KDM1B: variants seen among roughly 807,000 people sequenced by gnomAD.
KDM1B encodes lysine demethylase 1B.
A neutral mutation model predicts 107.4 loss-of-function variants in KDM1B; 63 were observed. That is an observed-to-expected ratio of 0.59 (90% CI 0.48 to 0.72). The LOEUF (loss-of-function observed/expected upper bound fraction) is 0.72, where lower values mean the gene tolerates loss of function less well. Among genes scored for constraint, KDM1B ranks in the 30% least tolerant of loss-of-function variants. KDM1B has a pLI of 0.00. For synonymous variants in KDM1B, 363 were observed against 363.9 expected (o/e 1.00, Z 0.03); for missense variants, 749 against 1,020.8 (o/e 0.73, Z 3.63).
At chr6:18,189,164 G>A (rs567960457) in intron 9 of KDM1B, among the ~76,000 whole-genome samples, 9 of 152,110 alleles carry the variant, frequency 5.9e-5, no homozygotes, top group African/African-American at 1.9e-4. Flanking sequence ...GATTTCCTAC[G>A]CCTGGACAGG....
chr6:18,194,012 T>A (rs1787473540), intron 10 of KDM1B, among the ~76,000 whole-genome samples: 1 of 152,092 alleles, frequency 6.6e-6, no homozygotes, highest in African/African-American at 2.4e-5. Context: ...TAGCTGGGAT[T>A]ACAGGTGTGC....
At chr6:18,188,080 A>G (rs1267737501) in intron 9 of KDM1B, 78 bp downstream of exon 9, 37 of 1,314,274 alleles carry the variant, frequency 2.8e-5, no homozygotes, top group Middle Eastern at 2.4e-4. Context: ...AGCAAAACGC[A>G]AAGGATTTTT....
rs1450942165 is a variant in KDM1B, at chr6:18,203,867, AAAAT to A, written c.1532-1669_1532-1666del. Among the ~76,000 whole-genome samples, 2 of 150,780 alleles carry A rather than the reference AAAAT, an allele frequency of 1.3e-5. No individual in the cohort carries two copies. Among genetic ancestry groups the A allele is most frequent in the Non-Finnish European group, 1.5e-5 (1 of 67,212 alleles). ...ACTCCGTCTCCAAAAAAAAAAAAAA[AAAAT>A]CACATTGAGGCCTCTCTCAGTCTGT... On this transcript the variant is annotated intron_variant, in intron 14 of 21. Coordinates refer to ENST00000650836, the MANE Select transcript of KDM1B (RefSeq NM_001364614.2). This position sits in a 1 kb window ranked among gnomAD's most constrained non-coding sequence, Gnocchi z 5.5.
chr6:18,162,428 T>C lies in KDM1B; in HGVS notation c.216-407T>C, dbSNP rs1785031138. 6.6e-6 allele frequency among the ~76,000 whole-genome samples: 1 copy of C among 152,248 alleles called. No homozygotes were observed. The highest frequency in any genetic ancestry group is 2.4e-5 in the African/African-American group (1 of 41,466). On this transcript the variant is annotated intron_variant, in intron 4 of 21. Transcript: ENST00000650836. The surrounding 1 kb of genome is among the most constrained non-coding windows in gnomAD (Gnocchi z 4.1). ...ATATTATCAACTGTTTGACAAGTTA[T>C]CTTTGCCAAATTGCCTGCTTGATGT...
rs546503473 is a variant in KDM1B at position 18,191,056 on chromosome 6, G to A, written c.785-141G>A. 2 of 575,234 alleles carry A rather than the reference G, an allele frequency of 3.5e-6. No homozygotes were observed. The highest frequency in any genetic ancestry group is 3.7e-5 in the African/African-American group (2 of 53,620). 35.6% of individuals were successfully genotyped at this position (575,234 alleles called of 1,614,324 possible). ...TAATTTATGTACGTTTTGTCTAACT[G>A]GGTGGAGGAAGCAAAGGTATTTATG... On this transcript the variant is annotated intron_variant, in intron 9 of 21. Transcript: ENST00000650836. The surrounding 1 kb of genome is among the most constrained non-coding windows in gnomAD (Gnocchi z 5.1).
chr6:18,166,239 C>T (rs368131100), intron 5 of KDM1B, 28 bp from the exon 6 acceptor site: 23 of 1,038,340 alleles, frequency 2.2e-5, no homozygotes, highest in East Asian at 1.9e-4. Flanking sequence ...ATATATTAAT[C>T]GATATATTAA....
intron 6 of KDM1B, 59 bp from the exon 7 acceptor site, chr6:18,171,304 A>G (rs1023628043): frequency 2.2e-5 from 19 of 869,118 alleles, no homozygotes; most frequent in Admixed American, 1.0e-4. Flanking sequence ...GGTGGAGGAT[A>G]GAAATGGTAA....
intron 7 of KDM1B, among the ~76,000 whole-genome samples, chr6:18,182,987 A>G (rs1328388109): frequency 5.9e-5 from 9 of 152,230 alleles, no homozygotes; most frequent in African/African-American, 2.2e-4. Flanking sequence ...ATTTTTGAGT[A>G]TATTTGTAAG....
chr6:18,196,420 TG>T (rs1369543809), intron 10 of KDM1B, among the ~76,000 whole-genome samples: 1 of 152,232 alleles, frequency 6.6e-6, no homozygotes, highest in Non-Finnish European at 1.5e-5. Flanking sequence ...CCATAATGAC[TG>T]TACTAATGTA....
Position 18,222,496 on chromosome 6 carries a change from T to C in KDM1B, c.*504T>C, listed in dbSNP as rs1277109499. ...CTTTTACTTAAAATTTAGATAGAAC[T>C]TTTTTTTGGATACAGCACAAACTCC... On this transcript the variant is annotated 3_prime_UTR_variant, in exon 22 of 22. Transcript: ENST00000650836. The C allele has an allele frequency of 5.1e-6, 1 of 196,952 alleles. No individual in the cohort carries two copies. Among genetic ancestry groups the C allele is most frequent in the East Asian group, 1.5e-4 (1 of 6,894 alleles). 12.2% of individuals were successfully genotyped at this position (196,952 alleles called of 1,614,324 possible). A position where few individuals can be genotyped will look rare whatever the true frequency, so the allele number is the denominator to read the frequency against.
In KDM1B at chr6:18,208,162, G is replaced by A. The variant is rs777474479; in HGVS notation, c.1822G>A (p.Val608Met). ...GTGTATTGATTATTCTGGAGATGAA[G>A]TGCAGGTTACCACTACAGATGGCAC... ...VQCIDYSGDE[V>M]QVTTTDGTGY... Residue 608 changes from valine to methionine, a missense_variant, in exon 17 of 22, where the codon GTG (valine) becomes ATG (methionine). By Grantham distance (21) the Val-to-Met change is conservative. Coordinates refer to ENST00000650836, the MANE Select transcript of KDM1B (RefSeq NM_001364614.2). The A allele has an allele frequency of 6.2e-7, 1 of 1,613,838 alleles. No homozygotes were observed. The highest frequency in any genetic ancestry group is 1.7e-5 in the Admixed American group (1 of 59,984).
chr6:18,183,045 G>T (rs1213115410), intron 7 of KDM1B, among the ~76,000 whole-genome samples: 4 of 152,080 alleles, frequency 2.6e-5, no homozygotes, highest in African/African-American at 9.7e-5. Context: ...AGATGCTATT[G>T]TTTTAATGTG....
chr6:18,197,762 A>G lies in KDM1B; in HGVS notation c.1221+101A>G. ...CCAGTTCCTATTTTTAGTGAAGAAT[A>G]CTAAATACATTATATGTTTATATTA... On this transcript the variant is annotated intron_variant, in intron 12 of 21. Coordinates refer to ENST00000650836, the MANE Select transcript of KDM1B (RefSeq NM_001364614.2). The surrounding 1 kb of genome is among the most constrained non-coding windows in gnomAD (Gnocchi z 4.5). The G allele has an allele frequency of 2.8e-6, 2 of 727,010 alleles. No individual in the cohort carries two copies. Among genetic ancestry groups the G allele is most frequent in the South Asian group, 1.8e-5 (1 of 56,632 alleles). The allele number at this position is 727,010 out of a possible 1,614,324, so 45.0% of individuals were successfully genotyped here.
Position 18,203,270 on chromosome 6 carries a change from C to G in KDM1B, c.1531+1613C>G, listed in dbSNP as rs573521818. On this transcript the variant is annotated intron_variant, in intron 14 of 21. Transcript: ENST00000650836. The surrounding 1 kb of genome is among the most constrained non-coding windows in gnomAD (Gnocchi z 5.5). ...TCAGCTTGGGTGACATAGTGAGACA[C>G]TGTCTCACAAACAAAACAAATAAAA... Among the ~76,000 whole-genome samples, 1 of 152,262 alleles carries G rather than the reference C, an allele frequency of 6.6e-6. No homozygotes were observed. Among genetic ancestry groups the G allele is most frequent in the African/African-American group, 2.4e-5 (1 of 41,550 alleles).
In KDM1B at chr6:18,220,214, C is replaced by T. The variant is rs912261006; in HGVS notation, c.2386-1695C>T. On this transcript the variant is annotated intron_variant, in intron 21 of 21. Coordinates refer to ENST00000650836, the MANE Select transcript of KDM1B (RefSeq NM_001364614.2). ...TCGTTTAATATGGTTTAGAAGTACA[C>T]GTCTCATTGTTTCATCTAAAATATA... Among the ~76,000 whole-genome samples the T allele has an allele frequency of 1.1e-4, 17 of 152,184 alleles. 1 individual carries two copies. The highest frequency in any genetic ancestry group is 2.5e-4 in the Non-Finnish European group (17 of 68,044).
chr6:18,195,128 C>G (rs936135375), intron 10 of KDM1B, among the ~76,000 whole-genome samples: 4 of 152,196 alleles, frequency 2.6e-5, no homozygotes, highest in Non-Finnish European at 5.9e-5. Context: ...ACTTCACTCA[C>G]TTTTATAGCT....
At chr6:18,207,722 G>A (rs1373740525) in intron 16 of KDM1B, among the ~76,000 whole-genome samples, 193 bp downstream of exon 16, 3 of 152,192 alleles carry the variant, frequency 2.0e-5, no homozygotes, top group Admixed American at 1.3e-4. Context: ...CTTGGAAACC[G>A]TAGTGGCCCC....
intron 2 of KDM1B, among the ~76,000 whole-genome samples, chr6:18,156,899 G>C (rs1459102591): frequency 6.6e-6 from 1 of 151,970 alleles, no homozygotes; most frequent in Non-Finnish European, 1.5e-5. Context: ...CCTGAGCCAC[G>C]GAGGAAGACT....
Position 18,191,731 on chromosome 6 carries a change from A to G in KDM1B, c.969+350A>G, listed in dbSNP as rs755159603. On this transcript the variant is annotated intron_variant, in intron 10 of 21. Coordinates refer to ENST00000650836, the MANE Select transcript of KDM1B (RefSeq NM_001364614.2). This position sits in a 1 kb window ranked among gnomAD's most constrained non-coding sequence, Gnocchi z 5.1. ...CTCTCCAGTGGTGAGTATAAGGTGC[A>G]AGGTTTGGTCCAAAGAGTTCCAATG... 6.6e-6 allele frequency among the ~76,000 whole-genome samples: 1 copy of G among 152,186 alleles called. No homozygotes were observed. Among genetic ancestry groups the G allele is most frequent in the Non-Finnish European group, 1.5e-5 (1 of 68,032 alleles).
Sources: allele counts gnomAD v4.1 joint callset (sites outside exome capture counted in the v4.1 genomes callset), GRCh38; gene constraint gnomAD v4.1.1; non-coding constraint Gnocchi (gnomAD v3.1); transcripts MANE v1.5; gene names NCBI Gene and HGNC (gene_info 2026-07-23, HGNC 2026-07-21).